Variants in DLG2 observed in about 807,000 individuals in gnomAD.
DLG2 encodes the protein disks large homolog 2.
DLG2 carries 45 observed loss-of-function variants against 132.5 expected under a neutral mutation model. That is an observed-to-expected ratio of 0.34 (90% CI 0.27 to 0.44). DLG2 has a LOEUF of 0.44. DLG2 is among the 20% of genes least tolerant of loss of function. The pLI, the probability that DLG2 is intolerant of heterozygous loss-of-function variation, is 1.00. For synonymous variants in DLG2, 424 were observed against 419.6 expected (o/e 1.01, Z -0.13); for missense variants, 1,045 against 1,196.9 (o/e 0.87, Z 1.87).
chr11:84,579,187 A>ATG (rs2099510510), intron 6 of DLG2, among the ~76,000 whole-genome samples: 1 of 60,952 alleles, frequency 1.6e-5, no homozygotes. Flanking sequence ...TGCATTATTC[A>ATG]CGTGTGTGTG....
rs578161375 is a variant in DLG2 at position 85,009,283 on chromosome 11, T to C, written c.357+102378A>G. On this transcript the variant is annotated intron_variant, in intron 6 of 27. Transcript: ENST00000376104. Reference sequence around the variant, plus strand: ...TCTCAAGGAAATGTTAAAATGAAAATAAAATTCAGTGATACCAAATAAAAG... The same window carrying C: ...TCTCAAGGAAATGTTAAAATGAAAACAAAATTCAGTGATACCAAATAAAAG... 3.9e-5 allele frequency among the ~76,000 whole-genome samples: 6 copies of C among 151,962 alleles called. No homozygotes were observed. The South Asian group carries it at 6.2e-4, about 16-fold the overall frequency.
At chr11:85,367,830 A>G (rs979342563) in intron 3 of DLG2, among the ~76,000 whole-genome samples, 4 of 152,202 alleles carry the variant, frequency 2.6e-5, no homozygotes, top group African/African-American at 9.6e-5. Flanking sequence ...ATGATATGCC[A>G]TATTAATAGA....
chr11:83,638,327 A>T (rs2065403995), intron 18 of DLG2, among the ~76,000 whole-genome samples: 1 of 152,150 alleles, frequency 6.6e-6, no homozygotes, highest in African/African-American at 2.4e-5. Context: ...ATGGAGTCAA[A>T]ATCCTGGTTG....
chr11:84,523,280 A>G (rs1170560737), intron 7 of DLG2, among the ~76,000 whole-genome samples: 1 of 152,214 alleles, frequency 6.6e-6, no homozygotes, highest in African/African-American at 2.4e-5. Flanking sequence ...TAATCTTTAC[A>G]GCATGGAATG....
At chr11:83,932,918 T>C (rs983316943) in intron 14 of DLG2, among the ~76,000 whole-genome samples, 3 of 152,134 alleles carry the variant, frequency 2.0e-5, no homozygotes, top group African/African-American at 7.2e-5. Flanking sequence ...CTCAAAGGGA[T>C]AGGTTTCTTG....
chr11:85,200,995 T>A (rs1417480152), intron 4 of DLG2, among the ~76,000 whole-genome samples: 1 of 151,704 alleles, frequency 6.6e-6, no homozygotes, highest in African/African-American at 2.4e-5. Context: ...ATGCTCCTCA[T>A]GGCTAATGAG....
intron 18 of DLG2, among the ~76,000 whole-genome samples, chr11:83,687,964 C>T (rs185808658): frequency 8.0e-4 from 121 of 151,418 alleles, no homozygotes; most frequent in Non-Finnish European, 8.1e-4. Flanking sequence ...GGTATGGTCA[C>T]GTCACTGCAC....
chr11:84,072,273 A>C (rs2096769437), intron 10 of DLG2, among the ~76,000 whole-genome samples: 1 of 152,200 alleles, frequency 6.6e-6, no homozygotes, highest in Non-Finnish European at 1.5e-5. Context: ...CTATATAAGT[A>C]GTTTCTTCAA....
In DLG2 at chr11:85,450,821, G is replaced by A. The variant is rs2092213045; in HGVS notation, c.40+147836C>T. On this transcript the variant is annotated intron_variant, in intron 3 of 27. Transcript: ENST00000376104. ...TATCTTTCCTTCTTCTCTTTTCTCAGCTTCCATAACTCTATATTCTTTTTG... is the reference window on the plus strand; with the variant it reads ...TATCTTTCCTTCTTCTCTTTTCTCAACTTCCATAACTCTATATTCTTTTTG... 2.6e-5 allele frequency among the ~76,000 whole-genome samples: 4 copies of A among 151,902 alleles called. No individual in the cohort carries two copies. In the South Asian group the frequency reaches 8.3e-4, roughly 32 times the overall value.
chr11:84,664,456 G>A (rs79569457), intron 6 of DLG2, among the ~76,000 whole-genome samples: 4,900 of 152,216 alleles, frequency 0.032, 98 homozygotes, highest in Middle Eastern at 0.061. Flanking sequence ...AATGTTTATA[G>A]TGCTTTGAAA....
At chr11:85,319,684 C>G (rs927003424) in intron 3 of DLG2, among the ~76,000 whole-genome samples, 2 of 151,798 alleles carry the variant, frequency 1.3e-5, no homozygotes, top group Non-Finnish European at 3.0e-5. Flanking sequence ...AAGCAACCAG[C>G]CTGCCAAGAC....
chr11:85,427,924 G>A (rs539811498), intron 3 of DLG2, among the ~76,000 whole-genome samples: 4 of 152,270 alleles, frequency 2.6e-5, no homozygotes, highest in South Asian at 2.1e-4. Context: ...ATAAAGGGAT[G>A]GAGGAAGATC....
At chr11:85,391,213 T>C (rs964042502) in intron 3 of DLG2, among the ~76,000 whole-genome samples, 2 of 152,016 alleles carry the variant, frequency 1.3e-5, no homozygotes, top group Non-Finnish European at 2.9e-5. Context: ...CCTGGAAGTA[T>C]ACAAATTCCT....
chr11:84,313,288 T>C (rs2098310834), intron 7 of DLG2, among the ~76,000 whole-genome samples: 1 of 151,768 alleles, frequency 6.6e-6, no homozygotes, highest in African/African-American at 2.4e-5. Context: ...CTAATTTTTG[T>C]ATTTTTAGTA....
intron 9 of DLG2, among the ~76,000 whole-genome samples, chr11:84,136,190 C>T (rs1460431548): frequency 6.6e-6 from 1 of 152,066 alleles, no homozygotes; most frequent in Non-Finnish European, 1.5e-5. Context: ...ACTTACTAAG[C>T]CTTAGTTTCT....
intron 19 of DLG2, among the ~76,000 whole-genome samples, chr11:83,591,850 A>G (rs1338271384): frequency 6.7e-6 from 1 of 149,442 alleles, no homozygotes; most frequent in Non-Finnish European, 1.5e-5. Context: ...CACCAATAAC[A>G]GACAAACAGA....
At chr11:85,288,376 T>A (rs1244431109) in intron 3 of DLG2, among the ~76,000 whole-genome samples, 2 of 152,054 alleles carry the variant, frequency 1.3e-5, no homozygotes, top group African/African-American at 2.4e-5. Flanking sequence ...TTTCCCAGAT[T>A]TTTTTAATAA....
At chr11:83,540,913 G>A (rs1184377450) in intron 20 of DLG2, among the ~76,000 whole-genome samples, 2 of 152,162 alleles carry the variant, frequency 1.3e-5, no homozygotes, top group Admixed American at 6.5e-5. Context: ...AGGGACATTT[G>A]TGAGAAGGAA....
At chr11:84,091,952 G>T (rs955989528) in intron 10 of DLG2, among the ~76,000 whole-genome samples, 1 of 152,160 alleles carries the variant, frequency 6.6e-6, no homozygotes, top group Non-Finnish European at 1.5e-5. Context: ...TTACTACACA[G>T]CCCCCCATAG....
Sources: allele counts gnomAD v4.1 joint callset (sites outside exome capture counted in the v4.1 genomes callset), GRCh38; gene constraint gnomAD v4.1.1; transcripts MANE v1.5; gene names NCBI Gene and HGNC (gene_info 2026-07-23, HGNC 2026-07-21).